Variants in MAMDC2 observed in about 807,000 individuals in gnomAD.
The protein encoded by MAMDC2 is MAM domain-containing protein 2.
In MAMDC2, 57 loss-of-function variants were observed where a neutral mutation model predicts 89.8. The observed-to-expected ratio is 0.63, with a 90% CI of 0.51 to 0.79. The LOEUF (loss-of-function observed/expected upper bound fraction) is 0.79. Ranked by LOEUF, MAMDC2 falls within the 30% of genes least tolerant of loss-of-function variation. MAMDC2 has a pLI of 0.00. For missense variants in MAMDC2, 800 were observed against 820.6 expected, an observed-to-expected ratio of 0.97 and a Z score of 0.31; for synonymous variants, 313 against 293.4, an observed-to-expected ratio of 1.07 and a Z score of -0.68.
At chr9:70,168,117 C>G (rs1460142613) in intron 9 of MAMDC2, among the ~76,000 whole-genome samples, 1 of 152,244 alleles carries the variant, frequency 6.6e-6, no homozygotes, top group Non-Finnish European at 1.5e-5. Flanking sequence ...TTTCCTCACT[C>G]TTCCTGTCAA....
At chr9:70,218,649 AT>A (rs1196110262) in intron 12 of MAMDC2, 53 bp downstream of exon 12, 8 of 1,512,706 alleles carry the variant, frequency 5.3e-6, no homozygotes, top group Non-Finnish European at 7.1e-6. Context: ...GGAGCTTCTG[AT>A]GTTCTTTCTT....
chr9:70,222,798 T>G (rs1389195827), intron 12 of MAMDC2, among the ~76,000 whole-genome samples: 2 of 152,170 alleles, frequency 1.3e-5, no homozygotes, highest in Non-Finnish European at 2.9e-5. Context: ...TTATTAATTA[T>G]ACTGCCTAAC....
chr9:70,089,005 G>A (rs572009663), intron 2 of MAMDC2: 3 of 152,194 alleles, frequency 2.0e-5, no homozygotes, highest in South Asian at 2.1e-4. Flanking sequence ...TTACACAAAC[G>A]TCTCTGTGAG....
intron 2 of MAMDC2, among the ~76,000 whole-genome samples, chr9:70,105,739 G>T (rs1009671119): frequency 6.6e-6 from 1 of 152,160 alleles, no homozygotes; most frequent in Non-Finnish European, 1.5e-5. Flanking sequence ...CTTGACAAGA[G>T]AACATTAGCA....
chr9:70,206,625 A>G (rs1390627490), intron 11 of MAMDC2, among the ~76,000 whole-genome samples: 1 of 151,968 alleles, frequency 6.6e-6, no homozygotes. Flanking sequence ...TTTTTGGTAT[A>G]TATCTTTTTT....
chr9:70,159,492 A>G (rs1205831563), intron 9 of MAMDC2, among the ~76,000 whole-genome samples: 2 of 152,184 alleles, frequency 1.3e-5, no homozygotes, highest in African/African-American at 4.8e-5. Flanking sequence ...AATTGCCTCT[A>G]TGTCTCAGAG....
At chr9:70,124,695 G>T (rs2997648) in intron 5 of MAMDC2, among the ~76,000 whole-genome samples, 2,486 of 152,230 alleles carry the variant, frequency 0.016, 68 homozygotes, top group African/African-American at 0.057. Context: ...TGGAGAAAAG[G>T]TATTCTTTAT....
chr9:70,047,071 T>G (rs1184449155), intron 2 of MAMDC2, among the ~76,000 whole-genome samples: 2 of 152,240 alleles, frequency 1.3e-5, no homozygotes, highest in Non-Finnish European at 2.9e-5. Context: ...CAAGCTTCTC[T>G]GCAAATGCAC....
At chr9:70,113,564 C>G (rs1828566171) in intron 5 of MAMDC2, among the ~76,000 whole-genome samples, 2 of 152,160 alleles carry the variant, frequency 1.3e-5, no homozygotes, top group African/African-American at 4.8e-5. Context: ...GTGAGGTGAG[C>G]CAATACTGAT....
intron 9 of MAMDC2, among the ~76,000 whole-genome samples, chr9:70,147,438 T>C (rs2031443352): frequency 6.7e-6 from 1 of 150,060 alleles, no homozygotes; most frequent in Non-Finnish European, 1.5e-5. Flanking sequence ...GAGAAGGAAC[T>C]TATACTATTC....
At chr9:70,183,610 G>A (rs1243392025) in intron 11 of MAMDC2, among the ~76,000 whole-genome samples, 1 of 152,032 alleles carries the variant, frequency 6.6e-6, no homozygotes, top group Non-Finnish European at 1.5e-5. Flanking sequence ...GGCCTTCTTT[G>A]TCTGTTTTGA....
At chr9:70,165,924 G>A (rs2032156570) in intron 9 of MAMDC2, among the ~76,000 whole-genome samples, 1 of 152,048 alleles carries the variant, frequency 6.6e-6, no homozygotes, top group African/African-American at 2.4e-5. Flanking sequence ...TAAATATCCT[G>A]ATTCCTTTTT....
At chr9:70,175,093 G>A (rs184924908) in intron 11 of MAMDC2, among the ~76,000 whole-genome samples, 140 of 152,238 alleles carry the variant, frequency 9.2e-4, no homozygotes, top group African/African-American at 3.3e-3. Context: ...GGAGAGAAGC[G>A]ATCTGATCTA....
intron 2 of MAMDC2, chr9:70,071,749 G>T (rs1827415325): frequency 6.6e-6 from 1 of 152,110 alleles, no homozygotes; most frequent in African/African-American, 2.4e-5. Flanking sequence ...TGGAGAGAAT[G>T]CACACAGACA....
At chr9:70,191,999 G>A (rs934366795) in intron 11 of MAMDC2, among the ~76,000 whole-genome samples, 3 of 152,004 alleles carry the variant, frequency 2.0e-5, no homozygotes, top group African/African-American at 4.8e-5. Context: ...CCTGAAATTC[G>A]GTTATTGCCT....
At chr9:70,073,759 G>A (rs575660243) in intron 2 of MAMDC2, among the ~76,000 whole-genome samples, 4 of 152,176 alleles carry the variant, frequency 2.6e-5, no homozygotes, top group Non-Finnish European at 5.9e-5. Flanking sequence ...GAAGGGGTTA[G>A]AGTTTCTCTC....
At chr9:70,074,111 G>C (rs768323524) in intron 2 of MAMDC2, among the ~76,000 whole-genome samples, 1 of 152,170 alleles carries the variant, frequency 6.6e-6, no homozygotes, top group African/African-American at 2.4e-5. Flanking sequence ...TTAAATGAAA[G>C]GATGCTGTTT....
At chr9:70,074,816 A>G (rs1312035102) in intron 2 of MAMDC2, among the ~76,000 whole-genome samples, 1 of 152,236 alleles carries the variant, frequency 6.6e-6, no homozygotes. Flanking sequence ...TACTGTTAAC[A>G]GCACCCTTTT....
Position 70,044,121 on chromosome 9 carries a change from C to T in MAMDC2, c.-77C>T, listed in dbSNP as rs370451763. On this transcript the variant is annotated 5_prime_UTR_variant, in exon 1 of 14. Coordinates refer to ENST00000377182, the MANE Select transcript of MAMDC2 (RefSeq NM_153267.5). ...CCCGGCGCCCCCGCCTCCCACGATC[C>T]CTTTCACTAGGAGCAGCCAGTCCCA... The T allele has an allele frequency of 6.4e-7, 1 of 1,567,984 alleles. No homozygotes were observed. Among genetic ancestry groups the T allele is most frequent in the Non-Finnish European group, 8.8e-7 (1 of 1,141,272 alleles).
Sources: gnomAD v4.1 joint callset for allele counts (sites outside exome capture counted in the v4.1 genomes callset) on GRCh38, gnomAD v4.1.1 for gene constraint, MANE v1.5 for transcripts, NCBI Gene and HGNC (gene_info 2026-07-23, HGNC 2026-07-21) for gene names.